The following CSMD1 variants were observed in gnomAD, a reference collection of about 807,000 sequenced individuals.
The protein encoded by CSMD1 is CUB and sushi domain-containing protein 1.
Under a neutral mutation model 417.5 loss-of-function variants are expected in CSMD1, and 213 were observed. That is an observed-to-expected ratio of 0.51 (90% CI 0.46 to 0.57). CSMD1 has a LOEUF of 0.57. Among genes scored for constraint, CSMD1 ranks in the 20% least tolerant of loss-of-function variants. The pLI, the probability that CSMD1 is intolerant of heterozygous loss-of-function variation, is 0.00. For missense variants in CSMD1, 6,923 were observed against 4,529.7 expected, an observed-to-expected ratio of 1.53 and a Z score of -15.17; for synonymous variants, 2,862 against 1,736.8, an observed-to-expected ratio of 1.65 and a Z score of -16.11.
chr8:3,799,411 G>T (rs1345137495), intron 5 of CSMD1, among the ~76,000 whole-genome samples: 2 of 101,802 alleles, frequency 2.0e-5, no homozygotes, highest in Admixed American at 1.5e-4. Context: ...CCCACCCCAC[G>T]ACAGGCCTTA....
intron 26 of CSMD1, among the ~76,000 whole-genome samples, chr8:3,266,990 T>A (rs535146908): frequency 1.3e-5 from 2 of 152,282 alleles, no homozygotes; most frequent in South Asian, 4.1e-4. Flanking sequence ...ACAAACAAGC[T>A]GACACTCATA....
intron 25 of CSMD1, among the ~76,000 whole-genome samples, chr8:3,297,507 T>C (rs1804054603): frequency 6.6e-6 from 1 of 152,170 alleles, no homozygotes; most frequent in Non-Finnish European, 1.5e-5. Context: ...TGGAAACAGA[T>C]CTGCATAGAT....
chr8:4,139,541 C>A (rs1311195252), intron 3 of CSMD1, among the ~76,000 whole-genome samples: 1 of 150,986 alleles, frequency 6.6e-6, no homozygotes, highest in African/African-American at 2.5e-5. Flanking sequence ...GGCACTCATC[C>A]TGCACGACGA....
chr8:3,475,035 T>A (rs1238865480), intron 11 of CSMD1, among the ~76,000 whole-genome samples: 1 of 152,166 alleles, frequency 6.6e-6, no homozygotes, highest in African/African-American at 2.4e-5. Flanking sequence ...TATTTATTTT[T>A]CCCCATTCTC....
At position 3,881,616 on chromosome 8, in the gene CSMD1, A is replaced by AC. The variant is rs1252657079; in HGVS notation, c.818+116286_818+116287insG. 1.2e-4 allele frequency among the ~76,000 whole-genome samples: 18 copies of AC among 144,224 alleles called. No homozygotes were observed. In the South Asian group the frequency reaches 2.8e-3, roughly 22 times the overall value. 94.6% of individuals were successfully genotyped at this position (144,224 alleles called of 152,430 possible). A position where few individuals can be genotyped will look rare whatever the true frequency, so the allele number is the denominator to read the frequency against. On this transcript the variant is annotated intron_variant, in intron 5 of 69. Transcript: ENST00000635120. ...AGAGCAAGACTCCATCTCAAAAAAA[A>AC]AAAAAACAAAAACAAAAACAAACAA...
At chr8:3,924,176 G>A (rs1327675831) in intron 5 of CSMD1, among the ~76,000 whole-genome samples, 4 of 152,128 alleles carry the variant, frequency 2.6e-5, no homozygotes, top group Non-Finnish European at 4.4e-5. Flanking sequence ...TTCTTCGTTG[G>A]CAGCTCTTTA....
At chr8:4,388,185 AAAG>A in intron 3 of CSMD1, among the ~76,000 whole-genome samples, 1 of 152,292 alleles carries the variant, frequency 6.6e-6, no homozygotes, top group East Asian at 1.9e-4. Flanking sequence ...ACCCAGAGGA[AAAG>A]AAGTCATTAT....
intron 2 of CSMD1, among the ~76,000 whole-genome samples, chr8:4,437,972 A>T (rs1345101220): frequency 6.6e-6 from 1 of 152,114 alleles, no homozygotes; most frequent in Non-Finnish European, 1.5e-5. Context: ...TTTCTCATAA[A>T]TGTTGACAGA....
chr8:3,243,649 C>G (rs149820678), intron 26 of CSMD1, among the ~76,000 whole-genome samples: 1 of 152,038 alleles, frequency 6.6e-6, no homozygotes, highest in African/African-American at 2.4e-5. Context: ...AACTGGCCAT[C>G]TGGATGTGTA....
intron 54 of CSMD1, among the ~76,000 whole-genome samples, chr8:2,990,277 T>C (rs1379703936): frequency 6.6e-6 from 1 of 152,232 alleles, no homozygotes; most frequent in Admixed American, 6.5e-5. Flanking sequence ...TTCTTGTAGA[T>C]GTGCGGATTT....
chr8:4,312,995 A>C (rs10110255), intron 3 of CSMD1, among the ~76,000 whole-genome samples: 1 of 152,020 alleles, frequency 6.6e-6, no homozygotes, highest in Non-Finnish European at 1.5e-5. Flanking sequence ...CGGGGAAATG[A>C]AGATGGGGAG....
chr8:4,641,101 A>G (rs1031466331), intron 1 of CSMD1, among the ~76,000 whole-genome samples: 7 of 151,346 alleles, frequency 4.6e-5, no homozygotes, highest in African/African-American at 1.7e-4. Context: ...TATGCATGCA[A>G]TTACACATAT....
At chr8:3,090,110 C>T (rs1814831856) in intron 48 of CSMD1, among the ~76,000 whole-genome samples, 1 of 151,782 alleles carries the variant, frequency 6.6e-6, no homozygotes, top group Admixed American at 6.6e-5. Context: ...GTCAGGAGAT[C>T]GTGACCATCC....
intron 3 of CSMD1, among the ~76,000 whole-genome samples, chr8:4,327,585 T>C (rs1169065944): frequency 1.3e-5 from 2 of 152,122 alleles, no homozygotes; most frequent in Non-Finnish European, 2.9e-5. Flanking sequence ...TCACTCATAC[T>C]ACAAAGATGT....
intron 5 of CSMD1, among the ~76,000 whole-genome samples, chr8:3,955,618 A>G (rs369229540): frequency 7.2e-5 from 11 of 152,260 alleles, no homozygotes; most frequent in South Asian, 4.1e-4. Context: ...AGTATTGAAT[A>G]TCTCATCAAT....
intron 5 of CSMD1, among the ~76,000 whole-genome samples, chr8:3,981,460 T>C (rs935786263): frequency 1.8e-4 from 24 of 133,946 alleles, no homozygotes; most frequent in African/African-American, 6.9e-4. Flanking sequence ...TACTCATGTA[T>C]CCAAATACCA....
intron 1 of CSMD1, among the ~76,000 whole-genome samples, chr8:4,961,407 T>G (rs569072687): frequency 6.6e-6 from 1 of 152,288 alleles, no homozygotes; most frequent in South Asian, 2.1e-4. Context: ...AACTTCACTT[T>G]TCTCACAGGC....
At chr8:4,208,740 T>C (rs1416655067) in intron 3 of CSMD1, among the ~76,000 whole-genome samples, 2 of 152,180 alleles carry the variant, frequency 1.3e-5, no homozygotes, top group African/African-American at 2.4e-5. Flanking sequence ...GCATGGAATA[T>C]GGAGAATATA....
intron 1 of CSMD1, among the ~76,000 whole-genome samples, chr8:4,892,992 G>A (rs553577398): frequency 2.0e-5 from 3 of 152,196 alleles, no homozygotes; most frequent in South Asian, 2.1e-4. Flanking sequence ...ACGCTTGCAC[G>A]GTGTGATACT....
Sources: allele counts gnomAD v4.1 joint callset (sites outside exome capture counted in the v4.1 genomes callset), GRCh38; gene constraint gnomAD v4.1.1; transcripts MANE v1.5; gene names NCBI Gene and HGNC (gene_info 2026-07-23, HGNC 2026-07-21).